CTNNA3: variants seen among roughly 807,000 people sequenced by gnomAD.
CTNNA3 encodes catenin alpha-3.
Under a neutral mutation model 95.7 loss-of-function variants are expected in CTNNA3, and 76 were observed. That is an observed-to-expected ratio of 0.79 (90% confidence interval 0.66 to 0.96). The LOEUF (loss-of-function observed/expected upper bound fraction) is 0.96, where lower values mean the gene tolerates loss of function less well. Among genes scored for constraint, CTNNA3 ranks in the 40% least tolerant of loss-of-function variants. CTNNA3 has a pLI of 0.00. For synonymous variants in CTNNA3, 431 were observed against 374.4 expected (o/e 1.15, Z -1.74); for missense variants, 1,191 against 1,089.8 (o/e 1.09, Z -1.31).
intron 10 of CTNNA3, among the ~76,000 whole-genome samples, chr10:66,528,356 T>C (rs947305578): frequency 1.3e-5 from 2 of 152,214 alleles, no homozygotes; most frequent in African/African-American, 4.8e-5. Context: ...TAGACAACTT[T>C]TACTACATTC....
At chr10:65,932,085 G>A (rs535282725) in intron 17 of CTNNA3, among the ~76,000 whole-genome samples, 62 of 152,186 alleles carry the variant, frequency 4.1e-4, no homozygotes, top group Admixed American at 1.4e-3. Flanking sequence ...GAGGAGGGAA[G>A]TAGAGCTGAG....
intron 7 of CTNNA3, among the ~76,000 whole-genome samples, chr10:66,846,184 A>G (rs1843268570): frequency 6.7e-6 from 1 of 150,048 alleles, no homozygotes; most frequent in Non-Finnish European, 1.5e-5. Context: ...GGCGGACATT[A>G]TGCTAAATGA....
chr10:66,824,368 G>C (rs1043700798), intron 7 of CTNNA3, among the ~76,000 whole-genome samples: 13 of 152,148 alleles, frequency 8.5e-5, no homozygotes, highest in Non-Finnish European at 5.9e-5. Context: ...GAAGCAATAA[G>C]TACACAGGTG....
intron 1 of CTNNA3, among the ~76,000 whole-genome samples, chr10:67,725,302 A>T (rs1841203010): frequency 6.6e-6 from 1 of 151,276 alleles, no homozygotes; most frequent in African/African-American, 2.4e-5. Context: ...TCAGCCTCCC[A>T]AGTAGCTGGG....
intron 5 of CTNNA3, among the ~76,000 whole-genome samples, chr10:67,445,777 T>C (rs1846722508): frequency 6.6e-6 from 1 of 152,200 alleles, no homozygotes; most frequent in Non-Finnish European, 1.5e-5. Context: ...GTTTGAGATA[T>C]ACAATTATGG....
chr10:67,416,332 G>T (rs1044516541), intron 5 of CTNNA3, among the ~76,000 whole-genome samples: 1 of 135,250 alleles, frequency 7.4e-6, no homozygotes, highest in African/African-American at 2.8e-5. Flanking sequence ...AAATGACCAG[G>T]CGTGGTGGCT....
intron 7 of CTNNA3, among the ~76,000 whole-genome samples, chr10:66,999,938 T>C (rs1851580202): frequency 6.6e-6 from 1 of 152,222 alleles, no homozygotes; most frequent in Non-Finnish European, 1.5e-5. Context: ...TTTAGATCAG[T>C]GACTAGATTT....
rs535419292 is a variant in CTNNA3, at chr10:67,618,602, C to T, written c.100-11553G>A. 4.8e-4 allele frequency among the ~76,000 whole-genome samples: 73 copies of T among 152,116 alleles called. No individual in the cohort carries two copies. In the South Asian group the frequency reaches 9.5e-3, roughly 20 times the overall value. On this transcript the variant is annotated intron_variant, in intron 2 of 17. Transcript: ENST00000433211. ...CTAACACAAAACTCCATTTTATTGA[C>T]GATATCCAGGAGAAAATATACATAG...
chr10:67,301,209 T>A (rs1376092414), intron 5 of CTNNA3, among the ~76,000 whole-genome samples: 2 of 152,280 alleles, frequency 1.3e-5, no homozygotes, highest in South Asian at 2.1e-4. Flanking sequence ...GCCTAGTTTT[T>A]AAATTACTCC....
At chr10:66,295,558 C>T (rs775673979) in intron 12 of CTNNA3, among the ~76,000 whole-genome samples, 18 of 152,188 alleles carry the variant, frequency 1.2e-4, no homozygotes, top group Non-Finnish European at 1.5e-4. Context: ...AGATTACTTG[C>T]AATAAGGTAG....
chr10:66,971,672 T>G (rs1849732505), intron 7 of CTNNA3, among the ~76,000 whole-genome samples: 1 of 152,086 alleles, frequency 6.6e-6, no homozygotes, highest in African/African-American at 2.4e-5. Flanking sequence ...TATAACTGTG[T>G]TGGTAAGAAC....
chr10:66,039,262 A>T (rs2079631767), intron 15 of CTNNA3, among the ~76,000 whole-genome samples: 1 of 152,216 alleles, frequency 6.6e-6, no homozygotes, highest in Non-Finnish European at 1.5e-5. Flanking sequence ...AAACAAATAG[A>T]AAAACATTCC....
chr10:66,089,301 TAG>T (rs1305939579), intron 14 of CTNNA3, among the ~76,000 whole-genome samples: 1 of 151,788 alleles, frequency 6.6e-6, no homozygotes, highest in Non-Finnish European at 1.5e-5. Flanking sequence ...TCTTGGTAAA[TAG>T]AGAGTCTTCC....
chr10:66,621,568 G>A (rs1422181228), intron 10 of CTNNA3, 124 bp downstream of exon 10: 3 of 541,626 alleles, frequency 5.5e-6, no homozygotes, highest in African/African-American at 2.0e-5. Context: ...TTCCAGCCTG[G>A]GCAACAGAGC....
intron 5 of CTNNA3, among the ~76,000 whole-genome samples, chr10:67,288,480 T>C (rs1302107076): frequency 6.6e-6 from 1 of 152,192 alleles, no homozygotes; most frequent in Non-Finnish European, 1.5e-5. Context: ...AATCATAATA[T>C]AAACAATGAA....
At chr10:67,670,356 A>G (rs1007741647) in intron 1 of CTNNA3, among the ~76,000 whole-genome samples, 1 of 152,252 alleles carries the variant, frequency 6.6e-6, no homozygotes, top group South Asian at 2.1e-4. Context: ...TTTGCATAAT[A>G]GAACAAAAGA....
At chr10:66,646,362 A>C (rs1481038013) in intron 9 of CTNNA3, among the ~76,000 whole-genome samples, 1 of 152,294 alleles carries the variant, frequency 6.6e-6, no homozygotes, top group Middle Eastern at 3.4e-3. Context: ...GTTAACTTTA[A>C]CTATGTAGTC....
At chr10:66,031,709 A>G (rs752189836) in intron 15 of CTNNA3, among the ~76,000 whole-genome samples, 1 of 152,208 alleles carries the variant, frequency 6.6e-6, no homozygotes, top group Non-Finnish European at 1.5e-5. Context: ...TGAACCTAAA[A>G]GTTGAAATTT....
At chr10:67,737,560 A>C (rs1181104911) in intron 1 of CTNNA3, among the ~76,000 whole-genome samples, 1 of 152,230 alleles carries the variant, frequency 6.6e-6, no homozygotes, top group African/African-American at 2.4e-5. Context: ...ATTAAAAGTT[A>C]GTTTTTTGGC....
Sources: gnomAD v4.1 joint callset for allele counts (sites outside exome capture counted in the v4.1 genomes callset) on GRCh38, gnomAD v4.1.1 for gene constraint, MANE v1.5 for transcripts, NCBI Gene and HGNC (gene_info 2026-07-23, HGNC 2026-07-21) for gene names.